Variants in EZH1 observed in about 807,000 individuals in gnomAD.
EZH1 encodes histone-lysine N-methyltransferase EZH1.
EZH1 carries 33 observed loss-of-function variants against 100.5 expected under a neutral mutation model. That is an observed-to-expected ratio of 0.33 (90% confidence interval 0.25 to 0.44). The LOEUF is 0.44. EZH1 is among the 20% of genes least tolerant of loss of function. EZH1 has a pLI of 1.00. For synonymous variants in EZH1, 272 were observed against 313.8 expected (o/e 0.87, Z 1.41); for missense variants, 475 against 928.4 (o/e 0.51, Z 6.35).
In EZH1 at chr17:42,730,718, G is replaced by C. The variant is rs1016871565; in HGVS notation, c.-12+110C>G. ...TCACCGTGTTAGCCAGGATGGTCTC[G>C]ATCTCCTGACCTCGTGATCCGCCCG... is the stretch of plus-strand genomic sequence containing the variant. On this transcript the variant is annotated intron_variant, in intron 2 of 20. Coordinates refer to ENST00000428826, the MANE Select transcript of EZH1 (RefSeq NM_001991.5). The C allele has an allele frequency of 4.0e-5, 10 of 250,598 alleles. No individual in the cohort carries two copies. In the Admixed American group the frequency reaches 5.2e-4, roughly 13 times the overall value. 15.5% of individuals were successfully genotyped at this position (250,598 alleles called of 1,614,324 possible). A position where few individuals can be genotyped will look rare whatever the true frequency, so the allele number is the denominator to read the frequency against.
chr17:42,723,477 C>A (rs574176042), intron 5 of EZH1, among the ~76,000 whole-genome samples: 13 of 151,928 alleles, frequency 8.6e-5, no homozygotes, highest in African/African-American at 3.1e-4. Context: ...ACTGGGCAAT[C>A]ATAAGACATG....
At chr17:42,722,665 A>T in intron 6 of EZH1, 130 bp downstream of exon 6, 1 of 783,718 alleles carries the variant, frequency 1.3e-6, no homozygotes, top group Non-Finnish European at 1.9e-6. Context: ...CAGCCATGTG[A>T]TGACATTGAA....
At chr17:42,710,068 G>C (rs1284629172) in intron 12 of EZH1, 131 bp from the exon 13 acceptor site, 3 of 697,630 alleles carry the variant, frequency 4.3e-6, no homozygotes, top group East Asian at 5.1e-5. Flanking sequence ...CAGTCAGGGA[G>C]AGACAGAGTG....
intron 10 of EZH1, 135 bp from the exon 11 acceptor site, chr17:42,713,524 A>G (rs573947039): frequency 1.3e-6 from 1 of 745,214 alleles, no homozygotes; most frequent in Admixed American, 3.8e-5. Flanking sequence ...CCATATAATA[A>G]GTATGATCAT....
intron 1 of EZH1, among the ~76,000 whole-genome samples, chr17:42,734,986 C>T (rs1283446128): frequency 2.6e-5 from 3 of 117,184 alleles, no homozygotes; most frequent in African/African-American, 3.3e-5. Flanking sequence ...GAGTGAGACT[C>T]GGTCTCAAAA....
At chr17:42,703,186 G>GT (rs1407571105) in intron 19 of EZH1, 3 of 491,000 alleles carry the variant, frequency 6.1e-6, no homozygotes, top group East Asian at 4.0e-5. Flanking sequence ...GTTTTGTTTT[G>GT]TTTTTTGAGA....
chr17:42,721,986 C>G (rs897519070), intron 6 of EZH1, among the ~76,000 whole-genome samples: 1 of 151,814 alleles, frequency 6.6e-6, no homozygotes, highest in Non-Finnish European at 1.5e-5. Flanking sequence ...CCCATCCCTA[C>G]TAAAAATACA....
chr17:42,741,383 G>C (rs1344238088), intron 1 of EZH1, among the ~76,000 whole-genome samples: 1 of 152,150 alleles, frequency 6.6e-6, no homozygotes, highest in Non-Finnish European at 1.5e-5. Flanking sequence ...CCCACGCCCA[G>C]CTAATTGTAG....
intron 1 of EZH1, among the ~76,000 whole-genome samples, chr17:42,733,174 C>T (rs931043112): frequency 5.3e-5 from 8 of 151,704 alleles, no homozygotes; most frequent in African/African-American, 1.9e-4. Flanking sequence ...CCCGTCTCTA[C>T]TAAAAATACA....
At chr17:42,709,997 C>T in intron 12 of EZH1, 60 bp from the exon 13 acceptor site, 1 of 1,472,302 alleles carries the variant, frequency 6.8e-7, no homozygotes, top group Non-Finnish European at 9.5e-7. Context: ...GTAAGTGGCC[C>T]AGCTGGGTGC....
intron 10 of EZH1, among the ~76,000 whole-genome samples, chr17:42,716,706 A>T (rs572075509): frequency 2.2e-4 from 33 of 149,490 alleles, no homozygotes; most frequent in Middle Eastern, 3.5e-3. Flanking sequence ...TTTTATTATT[A>T]TTTTTTTTTT....
chr17:42,736,238 T>C (rs2054062719), intron 1 of EZH1, among the ~76,000 whole-genome samples: 1 of 152,206 alleles, frequency 6.6e-6, no homozygotes, highest in Admixed American at 6.6e-5. Flanking sequence ...ATAGCCACTG[T>C]GGAAGGCAGT....
In EZH1 at chr17:42,718,360, A is replaced by G. The variant is rs1214016596; in HGVS notation, c.931+94T>C. ...TTTGTAAAACGTTAGAACAGAAGCC[A>G]GGAACTCTATACGAGAAACCAGAAC... is the stretch of plus-strand genomic sequence containing the variant. On this transcript the variant is annotated intron_variant, in intron 9 of 20. Coordinates refer to ENST00000428826, the MANE Select transcript of EZH1 (RefSeq NM_001991.5). This position sits in a 1 kb window ranked among gnomAD's most constrained non-coding sequence, Gnocchi z 4.2. The G allele has an allele frequency of 6.6e-7, 1 of 1,505,096 alleles. No homozygotes were observed. The highest frequency in any genetic ancestry group is 2.3e-5 in the East Asian group (1 of 43,662). 93.2% of individuals were successfully genotyped at this position (1,505,096 alleles called of 1,614,324 possible).
chr17:42,707,838 A>G, intron 15 of EZH1, 120 bp downstream of exon 15: 1 of 1,262,284 alleles, frequency 7.9e-7, no homozygotes, highest in Non-Finnish European at 1.1e-6. Context: ...GAATCCCTAA[A>G]ACACAGCAAA....
chr17:42,708,987 C>T (rs560897560), intron 13 of EZH1, 71 bp from the exon 14 acceptor site: 14 of 1,565,000 alleles, frequency 8.9e-6, no homozygotes, highest in Admixed American at 1.7e-5. Context: ...TAAATGACAA[C>T]GTGACTTGCT....
Position 42,745,012 on chromosome 17 carries a change from C to T in EZH1, c.-104G>A. ...GCCCAGGCTTGTTTACTCACTCACC[C>T]TCCATCCCGAGCCGCGGGTCCCGCT... On this transcript the variant is annotated splice_region_variant and 5_prime_UTR_variant, in exon 1 of 21. Transcript: ENST00000428826. The T allele has an allele frequency of 7.9e-7, 1 of 1,273,810 alleles. No homozygotes were observed. Among genetic ancestry groups the T allele is most frequent in the Middle Eastern group, 2.1e-4 (1 of 4,652 alleles). The allele number at this position is 1,273,810 out of a possible 1,614,324, so 78.9% of individuals were successfully genotyped here. A position where few individuals can be genotyped will look rare whatever the true frequency, so the allele number is the denominator to read the frequency against.
chr17:42,706,425 C>T lies in EZH1; in HGVS notation c.1661-240G>A, dbSNP rs2053354951. On this transcript the variant is annotated intron_variant, in intron 15 of 20. Transcript: ENST00000428826. The surrounding 1 kb of genome is among the most constrained non-coding windows in gnomAD (Gnocchi z 4.4). Reference sequence around the variant, plus strand: ...TGTGGTCAAGCATGGTGGCTCATGCCTGTAATCCTAGCACTTTGGGAGGCC... The same window carrying T: ...TGTGGTCAAGCATGGTGGCTCATGCTTGTAATCCTAGCACTTTGGGAGGCC... 6.6e-6 allele frequency among the ~76,000 whole-genome samples: 1 copy of T among 152,038 alleles called. No homozygotes were observed. Among genetic ancestry groups the T allele is most frequent in the African/African-American group, 2.4e-5 (1 of 41,388 alleles).
At chr17:42,724,228 C>T in intron 5 of EZH1, 77 bp downstream of exon 5, 1 of 1,560,428 alleles carries the variant, frequency 6.4e-7, no homozygotes, top group South Asian at 1.1e-5. Context: ...CAATCTTTAC[C>T]CTAAGAGGAG....
chr17:42,729,028 AAG>A, intron 2 of EZH1, 76 bp from the exon 3 acceptor site: 3 of 1,377,378 alleles, frequency 2.2e-6, no homozygotes, highest in East Asian at 2.4e-5. Context: ...AAAAAAAAAA[AAG>A]ATCAATTATG....
Sources: gnomAD v4.1 joint callset for allele counts (sites outside exome capture counted in the v4.1 genomes callset) on GRCh38, gnomAD v4.1.1 for gene constraint, Gnocchi (gnomAD v3.1) non-coding constraint, MANE v1.5 for transcripts, NCBI Gene and HGNC (gene_info 2026-07-23, HGNC 2026-07-21) for gene names.